Variants in GNG12 observed in about 807,000 individuals in gnomAD.
GNG12 encodes the protein G protein subunit gamma 12.
For synonymous variants in GNG12, 28 were observed against 29.7 expected (o/e 0.94, Z 0.19); for missense variants, 69 against 83.8 (o/e 0.82, Z 0.69).
chr1:67,811,828 T>C (rs1156615789), intron 1 of GNG12, among the ~76,000 whole-genome samples: 1 of 152,200 alleles, frequency 6.6e-6, no homozygotes, highest in East Asian at 1.9e-4. Context: ...TGAGAATCAC[T>C]GTCTAGGAAT....
chr1:67,728,189 C>A (rs1209670711), intron 2 of GNG12, among the ~76,000 whole-genome samples: 1 of 152,144 alleles, frequency 6.6e-6, no homozygotes, highest in African/African-American at 2.4e-5. Context: ...TTTCATGCAT[C>A]CAGGTGCAAG....
At chr1:67,809,819 T>C (rs952802827) in intron 1 of GNG12, among the ~76,000 whole-genome samples, 17 of 152,296 alleles carry the variant, frequency 1.1e-4, no homozygotes, top group Admixed American at 7.2e-4. Context: ...TCTCATTCAC[T>C]GTGGGAACGC....
At chr1:67,732,228 G>A (rs1053377623) in intron 2 of GNG12, among the ~76,000 whole-genome samples, 7 of 152,222 alleles carry the variant, frequency 4.6e-5, no homozygotes, top group Non-Finnish European at 7.3e-5. Flanking sequence ...TGAAGTGTAC[G>A]TGAGGAATAT....
intron 1 of GNG12, among the ~76,000 whole-genome samples, chr1:67,809,876 A>C (rs1302098537): frequency 6.6e-6 from 1 of 152,192 alleles, no homozygotes; most frequent in Non-Finnish European, 1.5e-5. Flanking sequence ...TTAAAAAAAA[A>C]ATTAGACATA....
chr1:67,816,964 T>C (rs1448145744), intron 1 of GNG12, among the ~76,000 whole-genome samples: 2 of 152,198 alleles, frequency 1.3e-5, no homozygotes, highest in Non-Finnish European at 2.9e-5. Context: ...AGAAAGCTTT[T>C]TGAAAAGTGC....
intron 2 of GNG12, among the ~76,000 whole-genome samples, chr1:67,743,007 G>T (rs1646491002): frequency 6.6e-6 from 1 of 151,832 alleles, no homozygotes; most frequent in South Asian, 2.1e-4. Flanking sequence ...ACAAAATACT[G>T]GTGTTTAGAA....
Position 67,705,548 on chromosome 1 carries a change from G to A in GNG12, c.122C>T (p.Ser41Phe). Residue 41 changes from serine to phenylalanine, a missense_variant, in exon 4 of 4, where the codon TCC becomes TTC. Coordinates refer to ENST00000370982, the MANE Select transcript of GNG12 (RefSeq NM_018841.6). ...ACTCCTGGCATGTTCCTCACAGTAGGACATGAGGTCCGCTGATGCCTTCGA... is the reference window on the plus strand; with the variant it reads ...ACTCCTGGCATGTTCCTCACAGTAGAACATGAGGTCCGCTGATGCCTTCGA... Reference protein sequence around the residue: ...KVSKASADLMSYCEEHARSDP... With the variant: ...KVSKASADLMFYCEEHARSDP... The A allele has an allele frequency of 6.2e-7, 1 of 1,613,056 alleles. No homozygotes were observed. The highest frequency in any genetic ancestry group is 1.7e-5 in the Admixed American group (1 of 59,772).
chr1:67,809,769 A>G (rs1294116990), intron 1 of GNG12, among the ~76,000 whole-genome samples: 1 of 152,170 alleles, frequency 6.6e-6, no homozygotes, highest in Non-Finnish European at 1.5e-5. Flanking sequence ...CAAAACACTG[A>G]TGGCACCAAA....
intron 2 of GNG12, among the ~76,000 whole-genome samples, chr1:67,767,370 C>T (rs555370780): frequency 1.6e-4 from 24 of 152,304 alleles, no homozygotes; most frequent in African/African-American, 5.8e-4. Context: ...AGACAGATAC[C>T]GAGGTGGAGC....
chr1:67,793,163 T>C (rs75859584), intron 1 of GNG12, among the ~76,000 whole-genome samples: 2,628 of 152,324 alleles, frequency 0.017, 75 homozygotes, highest in African/African-American at 0.061. Context: ...ATCTTTTATA[T>C]ATAAGACTTT....
rs555790005 is a variant in GNG12, at chr1:67,704,343, C to T, written c.*1108G>A. 2.6e-5 allele frequency: 4 copies of T among 151,584 alleles called. No individual in the cohort carries two copies. The highest frequency in any genetic ancestry group is 5.9e-5 in the Non-Finnish European group (4 of 67,970). 9.4% of individuals were successfully genotyped at this position (151,584 alleles called of 1,614,324 possible). ...TTTTTTTTTTAATTTTTTTTTTCCT[C>T]ACCGTATTCCACATACCTGTGGCTG... On this transcript the variant is annotated 3_prime_UTR_variant, in exon 4 of 4. Coordinates refer to ENST00000370982, the MANE Select transcript of GNG12 (RefSeq NM_018841.6).
chr1:67,748,584 G>A (rs958459846), intron 2 of GNG12, among the ~76,000 whole-genome samples: 1 of 152,104 alleles, frequency 6.6e-6, no homozygotes, highest in Non-Finnish European at 1.5e-5. Context: ...TGTTTTATTC[G>A]CACCCTCTAA....
At chr1:67,741,357 T>C (rs1646481990) in intron 2 of GNG12, among the ~76,000 whole-genome samples, 1 of 152,232 alleles carries the variant, frequency 6.6e-6, no homozygotes, top group South Asian at 2.1e-4. Context: ...GCAGACTACA[T>C]GGACTTAATT....
intron 2 of GNG12, among the ~76,000 whole-genome samples, chr1:67,766,098 G>GCACACA (rs1278948416): frequency 2.9e-4 from 29 of 100,884 alleles, no homozygotes; most frequent in Middle Eastern, 5.4e-3. Context: ...ACAAAACAAG[G>GCACACA]CACACACGCA....
Position 67,722,143 on chromosome 1 carries a change from A to G in GNG12, c.-26-14431T>C, listed in dbSNP as rs575865502. Among the ~76,000 whole-genome samples, 24 of 152,132 alleles carry G rather than the reference A, an allele frequency of 1.6e-4. No homozygotes were observed. In the South Asian group the frequency reaches 5.0e-3, roughly 32 times the overall value. The stretch of plus-strand genomic sequence containing the variant: ...GCACTTAAAAAAAAAGAAACCGAAA[A>G]GCCCAAACACCTGATGGGAGGGTTG... On this transcript the variant is annotated intron_variant, in intron 2 of 3. Coordinates refer to ENST00000370982, the MANE Select transcript of GNG12 (RefSeq NM_018841.6).
intron 1 of GNG12, among the ~76,000 whole-genome samples, chr1:67,795,706 C>T (rs1046486279): frequency 1.3e-5 from 2 of 152,118 alleles, no homozygotes; most frequent in African/African-American, 4.8e-5. Flanking sequence ...TGGAAACAAC[C>T]CAAATATCCA....
intron 2 of GNG12, among the ~76,000 whole-genome samples, chr1:67,730,421 G>GA (rs1646412184): frequency 1.3e-5 from 2 of 152,166 alleles, no homozygotes; most frequent in African/African-American, 4.8e-5. Flanking sequence ...GAAAACACTT[G>GA]AACCCAGGAG....
chr1:67,706,315 G>T (rs1646247144), intron 3 of GNG12, among the ~76,000 whole-genome samples: 1 of 152,188 alleles, frequency 6.6e-6, no homozygotes. Context: ...AGAACTGAAC[G>T]ATGGGCTCGG....
intron 1 of GNG12, among the ~76,000 whole-genome samples, chr1:67,795,942 C>G (rs1646828730): frequency 6.6e-6 from 1 of 152,172 alleles, no homozygotes; most frequent in African/African-American, 2.4e-5. Flanking sequence ...AAGCTGAACT[C>G]ACAAGAATAC....
Sources: gnomAD v4.1 joint callset for allele counts (sites outside exome capture counted in the v4.1 genomes callset) on GRCh38, gnomAD v4.1.1 for gene constraint, MANE v1.5 for transcripts, NCBI Gene and HGNC (gene_info 2026-07-23, HGNC 2026-07-21) for gene names.